TBC1D17: variants seen among roughly 807,000 people sequenced by gnomAD.
The protein encoded by TBC1D17 is TBC1 domain family, member 17.
In TBC1D17, 69 loss-of-function variants were observed where a neutral mutation model predicts 78.8. The ratio of observed to expected loss-of-function variants is 0.88; its 90% CI spans 0.72 to 1.07. The LOEUF (loss-of-function observed/expected upper bound fraction) is 1.07. TBC1D17 is among the 50% of genes least tolerant of loss of function. TBC1D17 has a pLI of 0.00. For missense variants in TBC1D17, 957 were observed against 861.0 expected (o/e 1.11, Z -1.39); for synonymous variants, 456 against 358.3 (o/e 1.27, Z -3.08).
At chr19:49,881,940 T>C in intron 5 of TBC1D17, 101 bp from the exon 6 acceptor site, 1 of 1,025,880 alleles carries the variant, frequency 9.7e-7, no homozygotes, top group East Asian at 2.4e-5. Flanking sequence ...CCAGGGGTGG[T>C]TGGGACGCTG....
rs767440024 is a variant in TBC1D17 at position 49,882,376 on chromosome 19, G to T, written c.774G>T (p.Glu258Asp). The stretch of plus-strand genomic sequence containing the variant: ...CCCCGCCACCCGACGATGAGCCCGA[G>T]CCTGGATTCGAGGTCATTTCCTGTG... Reference protein sequence around the residue: ...DLPPPPDDEPEPGFEVISCVE... With the variant: ...DLPPPPDDEPDPGFEVISCVE... Residue 258 changes from glutamate (E) to aspartate (D), a missense_variant, in exon 7 of 17, where the codon GAG becomes GAT. Physicochemically the swap from Glu to Asp is conservative, Grantham distance 45. Coordinates refer to ENST00000221543, the MANE Select transcript of TBC1D17 (RefSeq NM_024682.3). 4.7e-5 allele frequency: 76 copies of T among 1,607,666 alleles called. No individual in the cohort carries two copies. Among genetic ancestry groups the T allele is most frequent in the Non-Finnish European group, 6.0e-5 (71 of 1,179,782 alleles).
At position 49,884,556 on chromosome 19, in the gene TBC1D17, CGTG is replaced by C. The variant is rs1568676907; in HGVS notation, c.1344+1_1344+3del. On this transcript the variant is annotated inframe_deletion and splice_region_variant, in exon 12 of 17. Transcript: ENST00000221543. ...GGTGTTTCTGTGGCTTCATGGAGCT[CGTG>C]GTGAGGCTTGGGTCAGGGGTGGGAC... The C allele has an allele frequency of 6.2e-7, 1 of 1,614,082 alleles. No homozygotes were observed. Among genetic ancestry groups the C allele is most frequent in the South Asian group, 1.1e-5 (1 of 91,078 alleles).
intron 9 of TBC1D17, 61 bp from the exon 10 acceptor site, chr19:49,883,590 G>A: frequency 6.7e-7 from 1 of 1,494,840 alleles, no homozygotes; most frequent in Non-Finnish European, 9.3e-7. Context: ...CGCCAGGCTT[G>A]GAGGTCTCTG....
chr19:49,879,487 A>G (rs1183887043), intron 3 of TBC1D17: 2 of 152,210 alleles, frequency 1.3e-5, no homozygotes, highest in Admixed American at 6.5e-5. Context: ...GTTGCGTTAC[A>G]TCACTTCCGC....
At chr19:49,882,547 G>T in intron 7 of TBC1D17, 147 bp downstream of exon 7, 1 of 1,369,158 alleles carries the variant, frequency 7.3e-7, no homozygotes, top group Non-Finnish European at 9.7e-7. Context: ...AGCGCTCATG[G>T]CTCTGCCAGA....
chr19:49,888,185 G>C lies in TBC1D17; in HGVS notation c.1660-46G>C, dbSNP rs1262061806. ...GAAGCACAGAGTGGGCGCTCGGGCG[G>C]AGGTGGTTGAGTGCCGACTGGCGCC... On this transcript the variant is annotated intron_variant, in intron 15 of 16. Transcript: ENST00000221543. The C allele has an allele frequency of 2.6e-6, 4 of 1,552,998 alleles. No individual in the cohort carries two copies. In the South Asian group the frequency reaches 4.7e-5, roughly 18 times the overall value.
chr19:49,882,589 G>A (rs1269886398), intron 7 of TBC1D17, among the ~76,000 whole-genome samples, 175 bp from the exon 8 acceptor site: 1 of 152,214 alleles, frequency 6.6e-6, no homozygotes, highest in Non-Finnish European at 1.5e-5. Context: ...CTTATTGGGG[G>A]ACCCCTCCTA....
At chr19:49,878,749 T>C (rs1009937842) in intron 3 of TBC1D17, 177 bp downstream of exon 3, 21 of 610,488 alleles carry the variant, frequency 3.4e-5, no homozygotes, top group African/African-American at 2.8e-4. Context: ...GGGCAGAGGA[T>C]GCCCATTCAA....
chr19:49,885,120 C>T (rs530023323), intron 13 of TBC1D17: 2 of 290,172 alleles, frequency 6.9e-6, no homozygotes, highest in Admixed American at 4.7e-5. Flanking sequence ...TCTCTGGGCC[C>T]TGGGGCTGGG....
At chr19:49,880,474 G>A (rs144199258) in intron 4 of TBC1D17, 72 bp downstream of exon 4, 84 of 1,558,346 alleles carry the variant, frequency 5.4e-5, no homozygotes, top group Admixed American at 1.3e-4. Flanking sequence ...CAGTGGTCAC[G>A]GTCCCAAGGG....
rs1343418054 is a variant in TBC1D17, at chr19:49,887,482, A to G, written c.1451A>G (p.Gln484Arg). Reference sequence around the variant, plus strand: ...GCTCCATGTCATCCCCCAGATTCCCAGGACTCCGGCTCTCTCTGCTTCTGT... The same window carrying G: ...GCTCCATGTCATCCCCCAGATTCCCGGGACTCCGGCTCTCTCTGCTTCTGT... ...DPLLCDFLDS[Q>R]DSGSLCFCFR... Residue 484 changes from glutamine to arginine, a missense_variant, in exon 14 of 17, where the codon CAG becomes CGG. By Grantham distance (43) the Gln-to-Arg change is conservative (BLOSUM62 1). Transcript: ENST00000221543. 2 of 1,613,904 alleles carry G rather than the reference A, an allele frequency of 1.2e-6. No individual in the cohort carries two copies. Among genetic ancestry groups the G allele is most frequent in the Admixed American group, 1.7e-5 (1 of 60,006 alleles).
At position 49,882,878 on chromosome 19, in the gene TBC1D17, C is replaced by T. The variant is rs144381223; in HGVS notation, c.913C>T (p.Arg305Trp). Residue 305 changes from arginine to tryptophan, a missense_variant, in exon 8 of 17, where the codon CGG becomes TGG. Physicochemically the swap from Arg to Trp is moderately radical, Grantham distance 101. Transcript: ENST00000221543. ...RLQQVPELKNRIFSGGLSPSL... is the reference protein window; with the variant it reads ...RLQQVPELKNWIFSGGLSPSL... ...GCAGCAGGTCCCTGAGCTGAAGAAC[C>T]GGATCTTCTCGGGGGTGAGTGCCAG... 1.3e-3 allele frequency: 2,101 copies of T among 1,608,378 alleles called. 2 individuals are homozygous for T. Among genetic ancestry groups the T allele is most frequent in the Non-Finnish European group, 1.4e-3 (1,705 of 1,177,734 alleles).
In TBC1D17 at chr19:49,882,053, C is replaced by G; in HGVS notation, c.540C>G (p.Asp180Glu). 1 of 1,613,962 alleles carries G rather than the reference C, an allele frequency of 6.2e-7. No individual in the cohort carries two copies. The highest frequency in any genetic ancestry group is 1.7e-5 in the Admixed American group (1 of 60,022). Residue 180 changes from aspartate (D) to glutamate (E), a missense_variant, in exon 6 of 17, where the codon GAC (aspartate) becomes GAG (glutamate). Transcript: ENST00000221543. ...TCCCGCCTCCCAGCTCCCCGCAGGA[C>G]TCCCGCCTCTACCTTGTCTTCCCCC... ...RYLLLASSPQ[D>E]SRLYLVFPHD...
chr19:49,885,974 CAAA>C (rs972298479), intron 13 of TBC1D17, among the ~76,000 whole-genome samples: 1 of 43,552 alleles, frequency 2.3e-5, no homozygotes, highest in African/African-American at 9.2e-5. Flanking sequence ...GACCTTGCCT[CAAA>C]AAAAAAAAAA....
intron 13 of TBC1D17, 121 bp from the exon 14 acceptor site, chr19:49,887,355 T>C: frequency 1.0e-6 from 1 of 1,002,698 alleles, no homozygotes; most frequent in East Asian, 2.6e-5. Context: ...ACCTCCGAGG[T>C]TCCCCAGCCA....
Position 49,882,820 on chromosome 19 carries a change from G to C in TBC1D17, c.855G>C (p.Glu285Asp), listed in dbSNP as rs2075027298. 6.2e-7 allele frequency: 1 copy of C among 1,610,264 alleles called. No homozygotes were observed. Among genetic ancestry groups the C allele is most frequent in the Non-Finnish European group, 8.5e-7 (1 of 1,178,652 alleles). ...VERGPPVTEE[E>D]WARHVGPEGR... ...GGGGCCCTCCAGTTACAGAGGAGGA[G>C]TGGGCACGCCACGTGGGCCCTGAAG... Residue 285 changes from glutamate to aspartate, a missense_variant, in exon 8 of 17, where the codon GAG (glutamate) becomes GAC (aspartate). Transcript: ENST00000221543.
intron 3 of TBC1D17, chr19:49,878,863 G>A (rs2074984684): frequency 5.0e-6 from 2 of 399,460 alleles, no homozygotes; most frequent in African/African-American, 2.0e-5. Context: ...ATGTGGATTC[G>A]AGTTGCTTGA....
intron 13 of TBC1D17, chr19:49,885,432 CGAAA>C (rs56094456): frequency 0.52 from 69,632 of 134,580 alleles, 17,942 homozygotes; most frequent in African/African-American, 0.66. Context: ...GCAACAAGAG[CGAAA>C]GAAACTCCAT....
intron 4 of TBC1D17, among the ~76,000 whole-genome samples, chr19:49,880,897 C>T (rs917395940): frequency 6.6e-5 from 10 of 152,180 alleles, no homozygotes; most frequent in Admixed American, 3.9e-4. Flanking sequence ...AGGCGGCCCC[C>T]GTGTGTTTAG....
Sources: gnomAD v4.1 joint callset for allele counts (sites outside exome capture counted in the v4.1 genomes callset) on GRCh38, gnomAD v4.1.1 for gene constraint, MANE v1.5 for transcripts, NCBI Gene and HGNC (gene_info 2026-07-23, HGNC 2026-07-21) for gene names.